Variants in IKZF2 observed in about 807,000 individuals in gnomAD.
The protein encoded by IKZF2 is IKAROS family zinc finger 2, also known as zinc finger protein Helios.
IKZF2 carries 15 observed loss-of-function variants against 49.2 expected under a neutral mutation model. The ratio of observed to expected loss-of-function variants is 0.30; its 90% confidence interval spans 0.20 to 0.47. The LOEUF (loss-of-function observed/expected upper bound fraction) is 0.47, where lower values mean the gene tolerates loss of function less well. Ranked by LOEUF, IKZF2 falls within the 20% of genes least tolerant of loss-of-function variation. IKZF2 has a pLI of 1.00. For synonymous variants in IKZF2, 227 were observed against 221.4 expected (o/e 1.03, Z -0.23); for missense variants, 567 against 664.6 (o/e 0.85, Z 1.61).
At chr2:213,083,551 C>T (rs1704217302) in intron 4 of IKZF2, among the ~76,000 whole-genome samples, 1 of 93,952 alleles carries the variant, frequency 1.1e-5, no homozygotes, top group African/African-American at 4.0e-5. Flanking sequence ...ACCAGGCTAA[C>T]TTTTTTTTTT....
intron 4 of IKZF2, among the ~76,000 whole-genome samples, chr2:213,135,303 G>C (rs944870922): frequency 4.6e-5 from 7 of 152,070 alleles, no homozygotes; most frequent in African/African-American, 1.7e-4. Flanking sequence ...ATATTTATAT[G>C]TACATTATTT....
intron 4 of IKZF2, among the ~76,000 whole-genome samples, chr2:213,114,857 G>A (rs983054367): frequency 2.0e-5 from 3 of 151,782 alleles, no homozygotes; most frequent in African/African-American, 7.3e-5. Flanking sequence ...ACTTGAACCC[G>A]GGAGGCAACT....
At chr2:213,037,260 A>G (rs1050815687) in intron 6 of IKZF2, among the ~76,000 whole-genome samples, 28 of 152,228 alleles carry the variant, frequency 1.8e-4, no homozygotes, top group African/African-American at 6.8e-4. Context: ...AAAGCTTCCT[A>G]CAATAAATTG....
chr2:213,073,749 G>A (rs183193077), intron 4 of IKZF2, among the ~76,000 whole-genome samples: 15 of 152,244 alleles, frequency 9.9e-5, no homozygotes, highest in African/African-American at 2.2e-4. Flanking sequence ...TTGCTCTGTC[G>A]CCAGGTCTGG....
chr2:213,053,879 AAAG>A (rs1403950014), intron 5 of IKZF2, among the ~76,000 whole-genome samples: 1 of 152,198 alleles, frequency 6.6e-6, no homozygotes, highest in Admixed American at 6.6e-5. Flanking sequence ...TATGACAGAG[AAAG>A]AAGAAGAGTG....
At position 213,148,711 on chromosome 2, in the gene IKZF2, C is replaced by T. The variant is rs1208022856; in HGVS notation, c.-15-67G>A. 24 of 1,356,248 alleles carry T rather than the reference C, an allele frequency of 1.8e-5. No individual in the cohort carries two copies. In the East Asian group the frequency reaches 5.3e-4, roughly 30 times the overall value. 84.0% of individuals were successfully genotyped at this position (1,356,248 alleles called of 1,614,324 possible). A position where few individuals can be genotyped will look rare whatever the true frequency, so the allele number is the denominator to read the frequency against. On this transcript the variant is annotated intron_variant, in intron 2 of 8. Transcript: ENST00000434687. ...TCAGTATCTGCCATTAAATTCTTAA[C>T]TTATTTGAAGCTCCAAGCAGTTAGT...
At chr2:213,016,216 T>A (rs992315512) in intron 7 of IKZF2, among the ~76,000 whole-genome samples, 3 of 152,112 alleles carry the variant, frequency 2.0e-5, no homozygotes, top group East Asian at 3.9e-4. Flanking sequence ...AGAAACTCCA[T>A]GAAATAGGTG....
At chr2:213,037,814 G>A (rs1699182288) in intron 6 of IKZF2, among the ~76,000 whole-genome samples, 1 of 152,152 alleles carries the variant, frequency 6.6e-6, no homozygotes, top group African/African-American at 2.4e-5. Flanking sequence ...GAGGGGCTAA[G>A]GGTAGGGAAA....
At chr2:213,099,273 G>A (rs542851324) in intron 4 of IKZF2, among the ~76,000 whole-genome samples, 2 of 152,172 alleles carry the variant, frequency 1.3e-5, no homozygotes, top group East Asian at 1.9e-4. Flanking sequence ...AAATATTACT[G>A]TAAGATGCCA....
intron 7 of IKZF2, among the ~76,000 whole-genome samples, chr2:213,019,375 T>C (rs1051411011): frequency 6.6e-6 from 1 of 152,114 alleles, no homozygotes; most frequent in Non-Finnish European, 1.5e-5. Context: ...ATGGTTCTGT[T>C]TAAAAAGAGA....
chr2:213,073,505 T>TA (rs1702927215), intron 4 of IKZF2, among the ~76,000 whole-genome samples: 1 of 152,232 alleles, frequency 6.6e-6, no homozygotes, highest in Non-Finnish European at 1.5e-5. Context: ...AAAAAGGTTT[T>TA]AGAGTATGAC....
intron 4 of IKZF2, among the ~76,000 whole-genome samples, chr2:213,059,598 G>A (rs1439427505): frequency 6.6e-6 from 1 of 151,508 alleles, no homozygotes; most frequent in Non-Finnish European, 1.5e-5. Flanking sequence ...ATACCACTTA[G>A]TGTGCATAAA....
At chr2:213,052,353 C>CA (rs1047328438) in intron 5 of IKZF2, among the ~76,000 whole-genome samples, 6 of 151,878 alleles carry the variant, frequency 4.0e-5, no homozygotes, top group Admixed American at 3.9e-4. Context: ...AGTTTTCTTC[C>CA]TTTTTTTGGT....
At chr2:213,139,660 T>G (rs2060799207) in intron 4 of IKZF2, among the ~76,000 whole-genome samples, 1 of 151,988 alleles carries the variant, frequency 6.6e-6, no homozygotes, top group Non-Finnish European at 1.5e-5. Flanking sequence ...CAGTCAACCT[T>G]GAGATACAGA....
At chr2:213,029,529 C>CT (rs1268377253) in intron 6 of IKZF2, among the ~76,000 whole-genome samples, 1 of 151,798 alleles carries the variant, frequency 6.6e-6, no homozygotes, top group African/African-American at 2.4e-5. Context: ...ATTATGTGTT[C>CT]TTTTAATATT....
At chr2:213,083,793 T>A (rs1354560974) in intron 4 of IKZF2, among the ~76,000 whole-genome samples, 1 of 148,894 alleles carries the variant, frequency 6.7e-6, no homozygotes, top group Non-Finnish European at 1.5e-5. Flanking sequence ...TCTGTCACTG[T>A]CTCCCATCAC....
intron 6 of IKZF2, among the ~76,000 whole-genome samples, chr2:213,024,490 T>C (rs1574518670): frequency 6.6e-6 from 1 of 152,136 alleles, no homozygotes; most frequent in Admixed American, 6.6e-5. Context: ...GGCAGTTGCA[T>C]GGAGCAAAAG....
At chr2:213,142,057 G>A (rs2125956455) in intron 4 of IKZF2, among the ~76,000 whole-genome samples, 1 of 152,064 alleles carries the variant, frequency 6.6e-6, no homozygotes, top group African/African-American at 2.4e-5. Flanking sequence ...GATTTTAGAT[G>A]AGGACTCTCT....
chr2:213,086,630 C>T lies in IKZF2; in HGVS notation c.140-29531G>A, dbSNP rs192857138. ...AGAGATTGCTAGGCTTCCTCAGCAA[C>T]GACTACAGGGACTAGGAACTCTTTC... On this transcript the variant is annotated intron_variant, in intron 4 of 8. Coordinates refer to ENST00000434687, the MANE Select transcript of IKZF2 (RefSeq NM_001387220.1). 2.2e-3 allele frequency among the ~76,000 whole-genome samples: 331 copies of T among 152,254 alleles called. 1 individual carries two copies. The highest frequency in any genetic ancestry group is 7.5e-3 in the African/African-American group (312 of 41,564).
Sources: allele counts gnomAD v4.1 joint callset (sites outside exome capture counted in the v4.1 genomes callset), GRCh38; gene constraint gnomAD v4.1.1; transcripts MANE v1.5; gene names NCBI Gene and HGNC (gene_info 2026-07-23, HGNC 2026-07-21).